Variants in ZNF516 observed in about 807,000 individuals in gnomAD.
The protein encoded by ZNF516 is zinc finger protein 516.
ZNF516 carries 19 observed loss-of-function variants against 79.7 expected under a neutral mutation model. The observed-to-expected ratio is 0.24, with a 90% CI of 0.17 to 0.35. The LOEUF (loss-of-function observed/expected upper bound fraction) is 0.35. ZNF516 is among the 10% of genes least tolerant of loss of function. The pLI, the probability that ZNF516 is intolerant of heterozygous loss-of-function variation, is 1.00. For synonymous variants in ZNF516, 877 were observed against 739.5 expected (o/e 1.19, Z -3.02); for missense variants, 1,678 against 1,679.5 (o/e 1.00, Z 0.02).
intron 1 of ZNF516, among the ~76,000 whole-genome samples, chr18:76,482,398 G>A (rs773474147): frequency 6.6e-6 from 1 of 152,220 alleles, no homozygotes; most frequent in African/African-American, 2.4e-5. Flanking sequence ...TACCAGGTGA[G>A]GAAGCCACAG....
intron 3 of ZNF516, among the ~76,000 whole-genome samples, chr18:76,431,603 C>T (rs748046310): frequency 1.3e-5 from 2 of 152,214 alleles, no homozygotes; most frequent in Non-Finnish European, 2.9e-5. Context: ...GGGTCCCTTA[C>T]GAATGGCTTG....
intron 1 of ZNF516, among the ~76,000 whole-genome samples, chr18:76,487,792 C>CT (rs895183210): frequency 6.6e-6 from 1 of 152,078 alleles, no homozygotes; most frequent in African/African-American, 2.4e-5. Context: ...CCAGAGAAAA[C>CT]TGAGGCCAGA....
At chr18:76,436,682 C>T (rs1244902540) in intron 3 of ZNF516, among the ~76,000 whole-genome samples, 1 of 152,130 alleles carries the variant, frequency 6.6e-6, no homozygotes, top group African/African-American at 2.4e-5. Context: ...GCAGGCTTGG[C>T]CGCACAGGCA....
At chr18:76,495,016 C>T (rs1915424769) in intron 1 of ZNF516, 128 bp downstream of exon 1, 1 of 150,432 alleles carries the variant, frequency 6.6e-6, no homozygotes, top group Non-Finnish European at 1.5e-5. Flanking sequence ...ACCCCCCTCC[C>T]CAGCGCCTCC....
intron 3 of ZNF516, among the ~76,000 whole-genome samples, chr18:76,405,410 G>A (rs1026929867): frequency 3.2e-4 from 49 of 152,142 alleles, no homozygotes; most frequent in African/African-American, 1.1e-3. Context: ...GGACACTCAG[G>A]AAGGGCTCAG....
At chr18:76,392,905 G>GAAGCC (rs1413978629) in intron 3 of ZNF516, among the ~76,000 whole-genome samples, 2 of 10 alleles carry the variant, frequency 0.2, 1 homozygote, top group Admixed American at 0.5. Flanking sequence ...GGTCAGGTGG[G>GAAGCC]GGGAAGGCAG....
chr18:76,496,201 G>GAGCGCC, upstream of ZNF516: 1 of 1,194,040 alleles, frequency 8.4e-7, no homozygotes, highest in Non-Finnish European at 1.1e-6. Context: ...TAGCGAGGGC[G>GAGCGCC]AGCGCCCCTT....
chr18:76,482,080 G>C (rs1417591205), intron 1 of ZNF516, among the ~76,000 whole-genome samples: 1 of 152,170 alleles, frequency 6.6e-6, no homozygotes, highest in Non-Finnish European at 1.5e-5. Context: ...TCAACGTTTA[G>C]AAGTTGACTT....
At chr18:76,496,192 A>C (rs554695587), upstream of ZNF516, 171 of 1,149,946 alleles carry the variant, frequency 1.5e-4, 1 homozygote, top group African/African-American at 2.3e-3. Flanking sequence ...GGTCGGAGCT[A>C]GCGAGGGCGA....
rs544401773 is a variant in ZNF516 at position 76,485,904 on chromosome 18, T to C, written c.-272+9240A>G. On this transcript the variant is annotated intron_variant, in intron 1 of 6. Transcript: ENST00000443185. Reference sequence around the variant, plus strand: ...AAAAAAGATGGGGACAAAAGCTGAGTCTTTTTGACAAAAATAATAATAATA... The same window carrying C: ...AAAAAAGATGGGGACAAAAGCTGAGCCTTTTTGACAAAAATAATAATAATA... Among the ~76,000 whole-genome samples the C allele has an allele frequency of 9.7e-5, 14 of 144,410 alleles. No individual in the cohort carries two copies. In the South Asian group the frequency reaches 3.4e-3, roughly 35 times the overall value. The allele number at this position is 144,410 out of a possible 152,430, so 94.7% of individuals were successfully genotyped here.
chr18:76,455,709 C>T lies in ZNF516; in HGVS notation c.-158+7319G>A, dbSNP rs75246495. 6.7e-3 allele frequency among the ~76,000 whole-genome samples: 1,016 copies of T among 152,334 alleles called. 5 individuals carry two copies. Among genetic ancestry groups the T allele is most frequent in the Non-Finnish European group, 0.012 (803 of 68,024 alleles). On this transcript the variant is annotated intron_variant, in intron 2 of 6. Coordinates refer to ENST00000443185, the MANE Select transcript of ZNF516 (RefSeq NM_014643.4). ...AAAGAAGAGACTACTTATAAACTTA[C>T]TCTCAACAGGCACGTGAGATGCGCC...
At chr18:76,437,358 G>A (rs2075756955) in intron 3 of ZNF516, among the ~76,000 whole-genome samples, 2 of 152,174 alleles carry the variant, frequency 1.3e-5, no homozygotes, top group African/African-American at 4.8e-5. Context: ...CGGCAGGGAG[G>A]CAGCCAGCGA....
rs376048973 is a variant in ZNF516, at chr18:76,379,933, G to A, written c.2181C>T (p.Ala727=). ...EHSGGGKRAL[A]PDLMPLDLSA... is the part of the protein sequence containing the mutation. ...TTAAATCTAGCGGCATGAGGTCTGGGGCCAGCGCCCGCTTCCCTCCCCCAG... is the reference window on the plus strand; with the variant it reads ...TTAAATCTAGCGGCATGAGGTCTGGAGCCAGCGCCCGCTTCCCTCCCCCAG... Residue 727 remains alanine (A), a synonymous_variant, in exon 4 of 7, where the codon GCC becomes GCT. Coordinates refer to ENST00000443185, the MANE Select transcript of ZNF516 (RefSeq NM_014643.4). 1.9e-6 allele frequency: 3 copies of A among 1,613,970 alleles called. No individual in the cohort carries two copies. The highest frequency in any genetic ancestry group is 2.5e-6 in the Non-Finnish European group (3 of 1,179,898).
intron 3 of ZNF516, among the ~76,000 whole-genome samples, chr18:76,417,481 A>G (rs1599055275): frequency 6.6e-6 from 1 of 152,364 alleles, no homozygotes; most frequent in East Asian, 1.9e-4. Flanking sequence ...TTTTTCTAGC[A>G]CATGCTTTGT....
chr18:76,437,907 C>T (rs1401297132), intron 3 of ZNF516, among the ~76,000 whole-genome samples: 2 of 152,228 alleles, frequency 1.3e-5, no homozygotes, highest in African/African-American at 4.8e-5. Context: ...TAACTTCCCA[C>T]AACATCCTCT....
At chr18:76,369,247 T>G (rs191307605) in intron 6 of ZNF516, among the ~76,000 whole-genome samples, 1 of 152,370 alleles carries the variant, frequency 6.6e-6, no homozygotes, top group Admixed American at 6.5e-5. Context: ...TTCAGCAAGA[T>G]GTTTTACTTA....
In ZNF516 at chr18:76,443,197, G is replaced by C. The variant is rs571539474; in HGVS notation, c.-143C>G. ...CACCTTCTACATGGGGGGCGCAGCAGCTGGCAGCCAGCACCTGAAACAGAG... is the reference window on the plus strand; with the variant it reads ...CACCTTCTACATGGGGGGCGCAGCACCTGGCAGCCAGCACCTGAAACAGAG... On this transcript the variant is annotated 5_prime_UTR_variant, in exon 3 of 7. Coordinates refer to ENST00000443185, the MANE Select transcript of ZNF516 (RefSeq NM_014643.4). 1.5e-5 allele frequency: 19 copies of C among 1,268,636 alleles called. No homozygotes were observed. In the Admixed American group the frequency reaches 5.9e-4, roughly 39 times the overall value. The allele number at this position is 1,268,636 out of a possible 1,614,324, so 78.6% of individuals were successfully genotyped here.
chr18:76,422,719 G>A (rs947152869), intron 3 of ZNF516, among the ~76,000 whole-genome samples: 1 of 152,020 alleles, frequency 6.6e-6, no homozygotes, highest in Non-Finnish European at 1.5e-5. Context: ...GGGCACTGGG[G>A]AGGCATGGGA....
chr18:76,418,357 T>C (rs1401769245), intron 3 of ZNF516, among the ~76,000 whole-genome samples: 3 of 151,846 alleles, frequency 2.0e-5, no homozygotes, highest in African/African-American at 7.3e-5. Context: ...ACATATGCTG[T>C]AACACACTGT....
Sources: allele counts gnomAD v4.1 joint callset (sites outside exome capture counted in the v4.1 genomes callset), GRCh38; gene constraint gnomAD v4.1.1; transcripts MANE v1.5; gene names NCBI Gene and HGNC (gene_info 2026-07-23, HGNC 2026-07-21).